The following SRGAP3 variants were observed in gnomAD, a reference collection of about 807,000 sequenced individuals.
SRGAP3 encodes SLIT-ROBO Rho GTPase activating protein 3, also known as SLIT-ROBO Rho GTPase-activating protein 3.
Under a neutral mutation model 121.1 loss-of-function variants are expected in SRGAP3, and 39 were observed. That is an observed-to-expected ratio of 0.32 (90% CI 0.25 to 0.42). The LOEUF is 0.42. SRGAP3 is among the 10% of genes least tolerant of loss of function. The pLI, the probability that SRGAP3 is intolerant of heterozygous loss-of-function variation, is 1.00. For synonymous variants in SRGAP3, 601 were observed against 570.0 expected, an observed-to-expected ratio of 1.05 and a Z score of -0.77; for missense variants, 1,213 against 1,470.6, an observed-to-expected ratio of 0.82 and a Z score of 2.86.
chr3:9,289,445 G>A (rs1486522054), intron 3 of SRGAP3, among the ~76,000 whole-genome samples: 1 of 152,134 alleles, frequency 6.6e-6, no homozygotes, highest in Non-Finnish European at 1.5e-5. Context: ...GAAAAGACAA[G>A]TTCTTCTATG....
At chr3:9,233,241 C>T (rs183903007) in intron 1 of SRGAP3, among the ~76,000 whole-genome samples, 300 of 152,346 alleles carry the variant, frequency 2.0e-3, no homozygotes, top group Middle Eastern at 0.014. Context: ...AAGTTAATGA[C>T]TTTCATCCAA....
chr3:9,242,077 C>CAAAAAAAA (rs142186507), intron 1 of SRGAP3, among the ~76,000 whole-genome samples: 1 of 68,510 alleles, frequency 1.5e-5, no homozygotes, highest in African/African-American at 5.0e-5. Flanking sequence ...CACCCTAATT[C>CAAAAAAAA]AAAAAAAAAA....
chr3:9,194,771 G>A (rs1478115862), intron 1 of SRGAP3, among the ~76,000 whole-genome samples: 1 of 152,232 alleles, frequency 6.6e-6, no homozygotes, highest in Admixed American at 6.5e-5. Flanking sequence ...ATGACAGGAT[G>A]CCACAAGTCA....
chr3:9,029,903 A>G (rs1944392738), intron 12 of SRGAP3, among the ~76,000 whole-genome samples: 1 of 151,898 alleles, frequency 6.6e-6, no homozygotes, highest in South Asian at 2.1e-4. Flanking sequence ...GGACTTTGGG[A>G]GGCCCTTGGG....
chr3:9,254,859 G>A (rs962767348), intron 3 of SRGAP3, among the ~76,000 whole-genome samples: 1 of 146,852 alleles, frequency 6.8e-6, no homozygotes, highest in Non-Finnish European at 1.5e-5. Context: ...GGGAGGGAAG[G>A]AAAGAGAGAG....
chr3:9,217,966 A>G (rs940552048), intron 1 of SRGAP3: 2 of 152,220 alleles, frequency 1.3e-5, no homozygotes, highest in Non-Finnish European at 2.9e-5. Flanking sequence ...GGTACACTAC[A>G]GCTTCGGCTT....
intron 2 of SRGAP3, among the ~76,000 whole-genome samples, chr3:9,119,020 C>T (rs1424998900): frequency 1.3e-5 from 2 of 152,216 alleles, no homozygotes; most frequent in Admixed American, 1.3e-4. Flanking sequence ...AACCAGGTGC[C>T]AGCCCTGTGA....
At chr3:9,027,448 G>A (rs1944273111) in intron 12 of SRGAP3, among the ~76,000 whole-genome samples, 1 of 152,172 alleles carries the variant, frequency 6.6e-6, no homozygotes, top group Non-Finnish European at 1.5e-5. Flanking sequence ...CACACCAGGG[G>A]GGAAGCAAGG....
At chr3:9,057,013 C>CT (rs1361942338) in intron 7 of SRGAP3, among the ~76,000 whole-genome samples, 1 of 152,202 alleles carries the variant, frequency 6.6e-6, no homozygotes, top group Non-Finnish European at 1.5e-5. Flanking sequence ...TCCCGAGTAG[C>CT]TGGGACTACA....
chr3:9,177,043 C>T (rs400052), intron 1 of SRGAP3, among the ~76,000 whole-genome samples: 66,835 of 152,056 alleles, frequency 0.44, 15,422 homozygotes, highest in African/African-American at 0.59. Context: ...CCTATTTTTT[C>T]TATCCTGAGG....
intron 2 of SRGAP3, among the ~76,000 whole-genome samples, chr3:9,117,553 T>C (rs889950445): frequency 6.6e-6 from 1 of 152,198 alleles, no homozygotes; most frequent in African/African-American, 2.4e-5. Flanking sequence ...CATATTTAAA[T>C]AGAACTCCCT....
intron 1 of SRGAP3, among the ~76,000 whole-genome samples, chr3:9,229,318 A>G (rs1033217412): frequency 1.3e-5 from 2 of 152,024 alleles, no homozygotes; most frequent in African/African-American, 4.8e-5. Context: ...CATCTGGGAG[A>G]GAAGCAGGAG....
chr3:9,286,197 C>T (rs568943791), intron 3 of SRGAP3, among the ~76,000 whole-genome samples: 17 of 151,574 alleles, frequency 1.1e-4, no homozygotes, highest in Middle Eastern at 3.4e-3. Context: ...TCTGAAGGCT[C>T]CTGTGTCACA....
chr3:9,280,036 C>T (rs948424884), intron 3 of SRGAP3, among the ~76,000 whole-genome samples: 12 of 152,188 alleles, frequency 7.9e-5, no homozygotes, highest in South Asian at 2.1e-4. Context: ...GACAGCTTGT[C>T]CCCCTTAAAG....
intron 12 of SRGAP3, 136 bp downstream of exon 12, chr3:9,032,514 A>G: frequency 1.2e-6 from 1 of 806,740 alleles, no homozygotes; most frequent in Non-Finnish European, 2.1e-6. Flanking sequence ...GCTGAAGCTA[A>G]GAGCAGGCTG....
intron 1 of SRGAP3, among the ~76,000 whole-genome samples, chr3:9,136,425 CCCGCG>C: frequency 6.6e-6 from 1 of 151,926 alleles, no homozygotes; most frequent in South Asian, 2.1e-4. Context: ...CCCGCCCCGC[CCCGCG>C]CGCCACGTGC....
intron 1 of SRGAP3, among the ~76,000 whole-genome samples, chr3:9,184,423 T>C (rs562094258): frequency 6.6e-6 from 1 of 152,262 alleles, no homozygotes; most frequent in African/African-American, 2.4e-5. Flanking sequence ...GTCAGTTTCT[T>C]CATCTGTCAA....
chr3:9,253,625 A>G (rs1419008859), upstream of SRGAP3, among the ~76,000 whole-genome samples: 1 of 152,218 alleles, frequency 6.6e-6, no homozygotes, highest in Non-Finnish European at 1.5e-5. Context: ...TGCTACCAGC[A>G]AATACATCCT....
chr3:9,318,347 C>T (rs78048375), intron 3 of SRGAP3, among the ~76,000 whole-genome samples: 13 of 152,012 alleles, frequency 8.6e-5, no homozygotes, highest in African/African-American at 3.1e-4. Context: ...TTCTGCTCCA[C>T]AGGGCTCCAC....
Sources: gnomAD v4.1 joint callset for allele counts (sites outside exome capture counted in the v4.1 genomes callset) on GRCh38, gnomAD v4.1.1 for gene constraint, MANE v1.5 for transcripts, NCBI Gene and HGNC (gene_info 2026-07-23, HGNC 2026-07-21) for gene names.